The following STARD13 variants were observed in gnomAD, a reference collection of about 807,000 sequenced individuals.
STARD13 encodes the protein stAR-related lipid transfer protein 13.
Under a neutral mutation model 106.4 loss-of-function variants are expected in STARD13, and 62 were observed. The ratio of observed to expected loss-of-function variants is 0.58; its 90% confidence interval spans 0.48 to 0.72. The LOEUF (loss-of-function observed/expected upper bound fraction) is 0.72, where lower values mean the gene tolerates loss of function less well. Among genes scored for constraint, STARD13 ranks in the 30% least tolerant of loss-of-function variants. STARD13 has a pLI of 0.00. For missense variants in STARD13, 1,387 were observed against 1,424.0 expected, an observed-to-expected ratio of 0.97 and a Z score of 0.42; for synonymous variants, 565 against 553.0, an observed-to-expected ratio of 1.02 and a Z score of -0.31.
the STARD13 span, among the ~76,000 whole-genome samples, chr13:33,668,567 C>G: frequency 6.6e-6 from 1 of 152,184 alleles, no homozygotes; most frequent in African/African-American, 2.4e-5. Context: ...GGACTGTGCT[C>G]CCATGTGCCC....
intron 8 of STARD13, among the ~76,000 whole-genome samples, chr13:33,116,240 C>T (rs547682572): frequency 1.8e-4 from 27 of 152,304 alleles, no homozygotes; most frequent in African/African-American, 4.6e-4. Flanking sequence ...TGCTATCTGC[C>T]GAGCAGGTAC....
intron 1 of STARD13, among the ~76,000 whole-genome samples, chr13:33,278,051 C>T (rs895855683): frequency 1.3e-5 from 2 of 152,166 alleles, no homozygotes; most frequent in African/African-American, 4.8e-5. Flanking sequence ...CTAAGGGAAG[C>T]GTAGGCCACA....
At chr13:33,514,181 C>T in the STARD13 span, among the ~76,000 whole-genome samples, 6 of 152,192 alleles carry the variant, frequency 3.9e-5, no homozygotes, top group East Asian at 1.2e-3. Flanking sequence ...GACGCTCAGG[C>T]AGAAAAATCT....
At chr13:33,433,028 C>T in the STARD13 span, among the ~76,000 whole-genome samples, 2 of 152,064 alleles carry the variant, frequency 1.3e-5, no homozygotes, top group African/African-American at 4.8e-5. Flanking sequence ...TATTGTTTTC[C>T]TTCCAAATCA....
chr13:33,515,166 A>T, the STARD13 span, among the ~76,000 whole-genome samples: 2 of 152,160 alleles, frequency 1.3e-5, no homozygotes, highest in South Asian at 2.1e-4. Flanking sequence ...AATCTTTCAA[A>T]TGTCCTCACA....
the STARD13 span, among the ~76,000 whole-genome samples, chr13:33,494,290 C>A: frequency 6.6e-6 from 1 of 152,114 alleles, no homozygotes; most frequent in African/African-American, 2.4e-5. Context: ...GCACTTATTG[C>A]CATTAATAAG....
the STARD13 span, among the ~76,000 whole-genome samples, chr13:33,426,529 C>G: frequency 6.6e-6 from 1 of 152,154 alleles, no homozygotes; most frequent in Non-Finnish European, 1.5e-5. Flanking sequence ...CATATTCTTA[C>G]TTTTTTTAAA....
chr13:33,180,926 T>G (rs927943445), intron 1 of STARD13, among the ~76,000 whole-genome samples: 16 of 152,166 alleles, frequency 1.1e-4, no homozygotes, highest in African/African-American at 3.9e-4. Context: ...CACATAATTT[T>G]TTAAAAAATT....
At chr13:33,233,198 G>A (rs1889012309) in intron 1 of STARD13, among the ~76,000 whole-genome samples, 2 of 152,202 alleles carry the variant, frequency 1.3e-5, no homozygotes, top group African/African-American at 4.8e-5. Context: ...TCCTCGGATT[G>A]GACTGAGAGC....
intron 1 of STARD13, among the ~76,000 whole-genome samples, chr13:33,261,388 C>T (rs1368579302): frequency 6.6e-6 from 1 of 152,188 alleles, no homozygotes; most frequent in African/African-American, 2.4e-5. Flanking sequence ...AGAGTAACTA[C>T]AAAAATTCCA....
the STARD13 span, among the ~76,000 whole-genome samples, chr13:33,580,561 A>G: frequency 6.6e-6 from 1 of 152,132 alleles, no homozygotes; most frequent in Non-Finnish European, 1.5e-5. Flanking sequence ...TTAATTATGT[A>G]TCAATATTGG....
the STARD13 span, among the ~76,000 whole-genome samples, chr13:33,661,845 T>C: frequency 8.1e-4 from 122 of 151,144 alleles, no homozygotes; most frequent in African/African-American, 2.8e-3. Context: ...TATATGTGTA[T>C]CTACGTATGG....
chr13:33,163,816 A>T (rs1201304250), intron 3 of STARD13, among the ~76,000 whole-genome samples: 2 of 149,386 alleles, frequency 1.3e-5, no homozygotes, highest in Non-Finnish European at 3.0e-5. Flanking sequence ...TCAATGGGAA[A>T]AAATAATATA....
At chr13:33,250,100 A>T (rs1424157785) in intron 1 of STARD13, among the ~76,000 whole-genome samples, 1 of 152,060 alleles carries the variant, frequency 6.6e-6, no homozygotes, top group Non-Finnish European at 1.5e-5. Context: ...CCCATCATAA[A>T]CTAATTATGT....
chr13:33,429,334 C>T, the STARD13 span, among the ~76,000 whole-genome samples: 21 of 152,128 alleles, frequency 1.4e-4, no homozygotes, highest in Admixed American at 4.6e-4. Context: ...TGGTGGCTCA[C>T]GCCTGTAATC....
At chr13:33,118,021 G>A in intron 8 of STARD13, 44 bp downstream of exon 8, 1 of 1,609,592 alleles carries the variant, frequency 6.2e-7, no homozygotes, top group Non-Finnish European at 8.5e-7. Flanking sequence ...TCATTAAAGT[G>A]GAAGGATGCC....
At chr13:33,621,827 G>A in the STARD13 span, among the ~76,000 whole-genome samples, 10 of 147,318 alleles carry the variant, frequency 6.8e-5, no homozygotes, top group African/African-American at 2.3e-4. Flanking sequence ...TTTTTTGGAC[G>A]AAGTCTCGCT....
At chr13:33,182,913 T>G (rs1225850807) in intron 1 of STARD13, among the ~76,000 whole-genome samples, 1 of 152,256 alleles carries the variant, frequency 6.6e-6, no homozygotes, top group Admixed American at 6.5e-5. Context: ...GCCTGGCCTC[T>G]GTGTGCTTCT....
intron 1 of STARD13, among the ~76,000 whole-genome samples, chr13:33,300,477 G>A (rs76949194): frequency 0.017 from 2,527 of 152,278 alleles, 70 homozygotes; most frequent in African/African-American, 0.054. Context: ...CGCCAACTTC[G>A]TATGAATTAA....
Sources: gnomAD v4.1 joint callset for allele counts (sites outside exome capture counted in the v4.1 genomes callset) on GRCh38, gnomAD v4.1.1 for gene constraint, MANE v1.5 for transcripts, NCBI Gene and HGNC (gene_info 2026-07-23, HGNC 2026-07-21) for gene names.